The following RBM47 variants were observed in gnomAD, a reference collection of about 807,000 sequenced individuals.
RBM47 encodes the protein RNA-binding protein 47.
RBM47 carries 21 observed loss-of-function variants against 47.1 expected under a neutral mutation model. The ratio of observed to expected loss-of-function variants is 0.45; its 90% confidence interval spans 0.32 to 0.64. The LOEUF is 0.64. Among genes scored for constraint, RBM47 ranks in the 30% least tolerant of loss-of-function variants. RBM47 has a pLI of 0.05. For synonymous variants in RBM47, 375 were observed against 361.7 expected, an observed-to-expected ratio of 1.04 and a Z score of -0.42; for missense variants, 708 against 870.9, an observed-to-expected ratio of 0.81 and a Z score of 2.35.
intron 2 of RBM47, among the ~76,000 whole-genome samples, chr4:40,526,368 T>C (rs1414618451): frequency 6.6e-6 from 1 of 151,788 alleles, no homozygotes; most frequent in East Asian, 1.9e-4. Flanking sequence ...TTTAATTCCA[T>C]GGTGTTTGAG....
intron 2 of RBM47, among the ~76,000 whole-genome samples, chr4:40,504,542 C>T (rs1009158600): frequency 6.6e-6 from 1 of 152,150 alleles, no homozygotes; most frequent in Admixed American, 6.6e-5. Flanking sequence ...ATCCACCCGC[C>T]TCGGCCCTCC....
intron 6 of RBM47, among the ~76,000 whole-genome samples, chr4:40,432,165 G>A (rs1022137033): frequency 2.7e-5 from 4 of 150,920 alleles, no homozygotes; most frequent in African/African-American, 4.9e-5. Flanking sequence ...AAAATTTTAC[G>A]TATCTATACA....
rs192246316 is a variant in RBM47, at chr4:40,460,827, G to T, written c.-32+5750C>A. On this transcript the variant is annotated intron_variant, in intron 3 of 6. Coordinates refer to ENST00000295971, the MANE Select transcript of RBM47 (RefSeq NM_001098634.2). ...CTCTTGAACCCCAGAGGCAGGTGTT[G>T]CAGTGAGCCAAGATCGCACCACTGC... is the stretch of plus-strand genomic sequence containing the variant. 2.8e-5 allele frequency among the ~76,000 whole-genome samples: 4 copies of T among 144,442 alleles called. No homozygotes were observed. The East Asian group carries it at 8.4e-4, about 30-fold the overall frequency. 94.8% of individuals were successfully genotyped at this position (144,442 alleles called of 152,430 possible).
intron 4 of RBM47, among the ~76,000 whole-genome samples, chr4:40,437,055 C>A (rs1258552917): frequency 1.1e-5 from 1 of 93,966 alleles, no homozygotes; most frequent in Non-Finnish European, 1.9e-5. Flanking sequence ...GCCTGGGGAG[C>A]ATGGTGAGAC....
chr4:40,458,298 G>C (rs1021065601), intron 3 of RBM47, among the ~76,000 whole-genome samples: 1 of 152,154 alleles, frequency 6.6e-6, no homozygotes, highest in Non-Finnish European at 1.5e-5. Flanking sequence ...TCAGTTTTAG[G>C]TGTGACCTTC....
intron 2 of RBM47, among the ~76,000 whole-genome samples, chr4:40,541,300 T>C (rs1728517971): frequency 6.6e-6 from 1 of 150,518 alleles, no homozygotes; most frequent in Non-Finnish European, 1.5e-5. Context: ...AATTTACTCA[T>C]AACTAAGAAA....
chr4:40,534,936 G>GAA lies in RBM47; in HGVS notation c.-155+9484_-155+9485dup, dbSNP rs368062797. On this transcript the variant is annotated intron_variant, in intron 2 of 6. Transcript: ENST00000295971. ...GGCGATGGAGCAAGACTCCGTCTCA[G>GAA]AAAAAAAAAAAAAAAAAAATGCAAA... Among the ~76,000 whole-genome samples, 905 of 96,868 alleles carry GAA rather than the reference G, an allele frequency of 9.3e-3. 13 individuals are homozygous for GAA. Among genetic ancestry groups the GAA allele is most frequent in the African/African-American group, 0.033 (826 of 25,036 alleles). The allele number at this position is 96,868 out of a possible 152,430, so 63.5% of individuals were successfully genotyped here. A position where few individuals can be genotyped will look rare whatever the true frequency, so the allele number is the denominator to read the frequency against.
At chr4:40,611,291 C>T (rs1236902708) in intron 1 of RBM47, among the ~76,000 whole-genome samples, 2 of 152,186 alleles carry the variant, frequency 1.3e-5, no homozygotes, top group Admixed American at 6.6e-5. Flanking sequence ...TTTTTGCTTA[C>T]GTGTCTGATT....
intron 5 of RBM47, among the ~76,000 whole-genome samples, chr4:40,435,400 T>C (rs1452233435): frequency 6.6e-6 from 1 of 151,874 alleles, no homozygotes; most frequent in Non-Finnish European, 1.5e-5. Context: ...TATACAAAAA[T>C]TAGCCAGGCA....
intron 1 of RBM47, among the ~76,000 whole-genome samples, chr4:40,619,956 G>A (rs554211709): frequency 2.0e-5 from 3 of 152,238 alleles, no homozygotes; most frequent in South Asian, 2.1e-4. Flanking sequence ...CCAACACTTC[G>A]GGAGGCCGAG....
rs1737914560 is a variant in RBM47 at position 40,628,211 on chromosome 4, C to T, written c.-240+1185G>A. ...GAACAAGGTGAAGGGTAAAGCAGAC[C>T]AGAAAAAAATATTAAAAACCAAACC... On this transcript the variant is annotated intron_variant, in intron 1 of 6. Transcript: ENST00000295971. The surrounding 1 kb of genome is among the most constrained non-coding windows in gnomAD (Gnocchi z 4.0). Among the ~76,000 whole-genome samples, 1 of 152,074 alleles carries T rather than the reference C, an allele frequency of 6.6e-6. No individual in the cohort carries two copies. The highest frequency in any genetic ancestry group is 6.6e-5 in the Admixed American group (1 of 15,258).
chr4:40,478,312 G>A (rs991175075), intron 2 of RBM47, among the ~76,000 whole-genome samples: 5 of 152,146 alleles, frequency 3.3e-5, no homozygotes, highest in African/African-American at 1.2e-4. Context: ...ACCACACCCG[G>A]TCACATTAAC....
At chr4:40,561,248 T>TG (rs1182336974) in intron 1 of RBM47, among the ~76,000 whole-genome samples, 13 of 139,122 alleles carry the variant, frequency 9.3e-5, no homozygotes, top group African/African-American at 3.5e-4. Context: ...TTTTTTTTTT[T>TG]GAGACGGAGT....
intron 1 of RBM47, among the ~76,000 whole-genome samples, chr4:40,554,343 T>A (rs1577947800): frequency 7.1e-6 from 1 of 140,806 alleles, no homozygotes; most frequent in African/African-American, 2.7e-5. Context: ...GCTTCTAACG[T>A]AAGTCAAATA....
chr4:40,448,288 T>C (rs1714869239), intron 3 of RBM47, among the ~76,000 whole-genome samples: 1 of 150,274 alleles, frequency 6.7e-6, no homozygotes, highest in African/African-American at 2.5e-5. Flanking sequence ...TGAGTGTGAG[T>C]GTGTGTGTTT....
At chr4:40,528,055 A>G (rs1279969443) in intron 2 of RBM47, among the ~76,000 whole-genome samples, 1 of 152,210 alleles carries the variant, frequency 6.6e-6, no homozygotes, top group Non-Finnish European at 1.5e-5. Context: ...TATTTCTTAT[A>G]TATCTAGCAC....
intron 3 of RBM47, among the ~76,000 whole-genome samples, chr4:40,452,087 T>C (rs1439078626): frequency 6.6e-6 from 1 of 151,842 alleles, no homozygotes; most frequent in African/African-American, 2.4e-5. Flanking sequence ...GGAGAATTGC[T>C]TGAACCCAGG....
In RBM47 at chr4:40,573,873, G is replaced by A. The variant is rs138633565; in HGVS notation, c.-239-29367C>T. 6.6e-3 allele frequency among the ~76,000 whole-genome samples: 860 copies of A among 130,448 alleles called. 16 individuals carry two copies. Among genetic ancestry groups the A allele is most frequent in the African/African-American group, 0.022 (681 of 31,150 alleles). The allele number at this position is 130,448 out of a possible 152,430, so 85.6% of individuals were successfully genotyped here. A position where few individuals can be genotyped will look rare whatever the true frequency, so the allele number is the denominator to read the frequency against. On this transcript the variant is annotated intron_variant, in intron 1 of 6. Transcript: ENST00000295971. ...AGAAAAATAAACTTTGACTTTGAGG[G>A]TAATGAAAAATTGGAACAGTTTCCT...
At chr4:40,502,306 T>C (rs1723482337) in intron 2 of RBM47, among the ~76,000 whole-genome samples, 1 of 152,200 alleles carries the variant, frequency 6.6e-6, no homozygotes, top group Non-Finnish European at 1.5e-5. Flanking sequence ...TGATGTGTCC[T>C]TGTTATTCTG....
Sources: gnomAD v4.1 joint callset for allele counts (sites outside exome capture counted in the v4.1 genomes callset) on GRCh38, gnomAD v4.1.1 for gene constraint, Gnocchi (gnomAD v3.1) non-coding constraint, MANE v1.5 for transcripts, NCBI Gene and HGNC (gene_info 2026-07-23, HGNC 2026-07-21) for gene names.